Variants in CCDC88C observed in about 807,000 individuals in gnomAD.
The protein encoded by CCDC88C is protein Daple.
In CCDC88C, 131 loss-of-function variants were observed where a neutral mutation model predicts 198.8. The observed-to-expected ratio is 0.66, with a 90% CI of 0.57 to 0.76. CCDC88C has a LOEUF of 0.76. Among genes scored for constraint, CCDC88C ranks in the 30% least tolerant of loss-of-function variants. The probability of loss-of-function intolerance (pLI) is 0.00; values close to 1 mark genes in which losing one functional copy is unlikely to be tolerated. For missense variants in CCDC88C, 2,553 were observed against 2,631.6 expected (o/e 0.97, Z 0.65); for synonymous variants, 1,166 against 1,114.7 (o/e 1.05, Z -0.92).
chr14:91,325,227 T>TG lies in CCDC88C; in HGVS notation c.1198-305dup, dbSNP rs1417343169. Reference sequence around the variant, plus strand: ...GGGCTTTAAAGCAAGTGTGCAGTGATGGGCAGCTCTGTGGCTCTAGCGAAG... The same window carrying TG: ...GGGCTTTAAAGCAAGTGTGCAGTGATGGGGCAGCTCTGTGGCTCTAGCGAAG... On this transcript the variant is annotated intron_variant, in intron 11 of 29. Coordinates refer to ENST00000389857, the MANE Select transcript of CCDC88C (RefSeq NM_001080414.4). This position sits in a 1 kb window ranked among gnomAD's most constrained non-coding sequence, Gnocchi z 4.1. Among the ~76,000 whole-genome samples, 1 of 152,208 alleles carries TG rather than the reference T, an allele frequency of 6.6e-6. No homozygotes were observed. Among genetic ancestry groups the TG allele is most frequent in the Non-Finnish European group, 1.5e-5 (1 of 68,034 alleles).
intron 29 of CCDC88C, among the ~76,000 whole-genome samples, chr14:91,275,212 T>C (rs997294923): frequency 1.5e-4 from 23 of 152,104 alleles, no homozygotes; most frequent in African/African-American, 5.1e-4. Context: ...CAACAGAAGC[T>C]GCTACAGCCA....
chr14:91,332,923 C>T (rs1052645029), intron 10 of CCDC88C, among the ~76,000 whole-genome samples: 2 of 152,256 alleles, frequency 1.3e-5, no homozygotes, highest in Non-Finnish European at 2.9e-5. Flanking sequence ...TCTGGCCACA[C>T]TCCACCCACA....
intron 3 of CCDC88C, among the ~76,000 whole-genome samples, chr14:91,396,553 C>T (rs768261406): frequency 6.6e-6 from 1 of 152,126 alleles, no homozygotes; most frequent in Non-Finnish European, 1.5e-5. Flanking sequence ...AGAATGAGCC[C>T]GACAAGCACC....
intron 3 of CCDC88C, among the ~76,000 whole-genome samples, chr14:91,363,157 T>G (rs1489020074): frequency 6.6e-6 from 1 of 152,150 alleles, no homozygotes; most frequent in Non-Finnish European, 1.5e-5. Context: ...AATTTCAAAT[T>G]TTCTATTAGC....
chr14:91,335,599 G>A (rs1448130448), intron 10 of CCDC88C, among the ~76,000 whole-genome samples: 1 of 152,166 alleles, frequency 6.6e-6, no homozygotes, highest in African/African-American at 2.4e-5. Flanking sequence ...TGATGGTGTT[G>A]CATCCTAACC....
At chr14:91,309,756 G>T in intron 16 of CCDC88C, 103 bp downstream of exon 16, 1 of 1,273,382 alleles carries the variant, frequency 7.9e-7, no homozygotes, top group Non-Finnish European at 1.1e-6. Context: ...ACAGCCCTCG[G>T]CAGTAGAGAG....
In CCDC88C at chr14:91,338,244, G is replaced by T; in HGVS notation, c.892-81C>A. The T allele has an allele frequency of 6.5e-7, 1 of 1,531,326 alleles. No homozygotes were observed. The highest frequency in any genetic ancestry group is 8.9e-7 in the Non-Finnish European group (1 of 1,124,146). 94.9% of individuals were successfully genotyped at this position (1,531,326 alleles called of 1,614,324 possible). ...AGAAAGGCCATTGCCCTTCTGCATG[G>T]TGTCTCCACGACGGCCCAGGACAAG... is the stretch of plus-strand genomic sequence containing the variant. On this transcript the variant is annotated intron_variant, in intron 9 of 29. Coordinates refer to ENST00000389857, the MANE Select transcript of CCDC88C (RefSeq NM_001080414.4). This position sits in a 1 kb window ranked among gnomAD's most constrained non-coding sequence, Gnocchi z 4.8.
chr14:91,362,104 C>A (rs1375105651), intron 3 of CCDC88C, among the ~76,000 whole-genome samples: 1 of 152,078 alleles, frequency 6.6e-6, no homozygotes, highest in Non-Finnish European at 1.5e-5. Flanking sequence ...CCTGGTGACG[C>A]ATGCCTGTAA....
rs778110005 is a variant in CCDC88C, at chr14:91,352,366, AGG to A, written c.340+7274_340+7275del. Among the ~76,000 whole-genome samples the A allele has an allele frequency of 4.6e-5, 7 of 152,172 alleles. No individual in the cohort carries two copies. The highest frequency in any genetic ancestry group is 1.0e-4 in the Non-Finnish European group (7 of 68,020). On this transcript the variant is annotated intron_variant, in intron 4 of 29. Coordinates refer to ENST00000389857, the MANE Select transcript of CCDC88C (RefSeq NM_001080414.4). This position sits in a 1 kb window ranked among gnomAD's most constrained non-coding sequence, Gnocchi z 4.2. ...TGTCAGCCAAACTCTGCACCTTCCT[AGG>A]AAAGGAAAGCCTCGGCTCCTGGCTT... is the stretch of plus-strand genomic sequence containing the variant.
rs373123040 is a variant in CCDC88C, at chr14:91,353,684, T to C, written c.340+5958A>G. ...GAGAAGGAAGGTCGGTCACAGCATT[T>C]TGTGCGCACAGAACCTTGTCTCTTC... On this transcript the variant is annotated intron_variant, in intron 4 of 29. Coordinates refer to ENST00000389857, the MANE Select transcript of CCDC88C (RefSeq NM_001080414.4). Among the ~76,000 whole-genome samples, 4 of 152,264 alleles carry C rather than the reference T, an allele frequency of 2.6e-5. No individual in the cohort carries two copies. In the East Asian group the frequency reaches 7.7e-4, roughly 29 times the overall value.
At chr14:91,403,436 C>CAGGGCAGGGAATGGGGATGGG (rs1160610354) in intron 3 of CCDC88C, among the ~76,000 whole-genome samples, 2 of 152,210 alleles carry the variant, frequency 1.3e-5, no homozygotes, top group Admixed American at 1.3e-4. Context: ...TGAAGGTGTC[C>CAGGGCAGGGAATGGGGATGGG]AGGGCAGGGA....
At chr14:91,301,121 C>T (rs762803548) in intron 20 of CCDC88C, among the ~76,000 whole-genome samples, 80 of 152,166 alleles carry the variant, frequency 5.3e-4, no homozygotes, top group Non-Finnish European at 1.1e-3. Flanking sequence ...TCTTACTCAC[C>T]ACTGAATCCC....
intron 2 of CCDC88C, among the ~76,000 whole-genome samples, chr14:91,412,530 G>A (rs1423464509): frequency 4.6e-5 from 7 of 151,908 alleles, no homozygotes; most frequent in Non-Finnish European, 2.9e-5. Flanking sequence ...TGCCTCCCGG[G>A]TTCATGCCAT....
At chr14:91,390,869 G>A (rs1885468518) in intron 3 of CCDC88C, among the ~76,000 whole-genome samples, 1 of 152,220 alleles carries the variant, frequency 6.6e-6, no homozygotes, top group South Asian at 2.1e-4. Context: ...CAGAAAGGAA[G>A]AACATGGATT....
At chr14:91,286,721 T>G (rs1386381009) in intron 25 of CCDC88C, among the ~76,000 whole-genome samples, 1 of 152,236 alleles carries the variant, frequency 6.6e-6, no homozygotes, top group Non-Finnish European at 1.5e-5. Flanking sequence ...TAGGCTCTTG[T>G]TCGGCATCTT....
Position 91,307,106 on chromosome 14 carries a change from G to A in CCDC88C, c.3127C>T (p.Pro1043Ser). Residue 1043 changes from proline (P) to serine (S), a missense_variant, in exon 18 of 30, where the codon CCC becomes TCC. By Grantham distance (74) the Pro-to-Ser change is moderately conservative (BLOSUM62 -1). Coordinates refer to ENST00000389857, the MANE Select transcript of CCDC88C (RefSeq NM_001080414.4). ...TCCATGGTGGCTTCCTTATGGCCGG[G>A]CCCCCAGGCCTCCTTCCCCTGGTGA... ...ASHQGKEAWGPGHKEATMELL... is the reference protein window; with the variant it reads ...ASHQGKEAWGSGHKEATMELL... 1.2e-6 allele frequency: 2 copies of A among 1,613,928 alleles called. No homozygotes were observed. The highest frequency in any genetic ancestry group is 1.3e-5 in the African/African-American group (1 of 75,052).
At chr14:91,331,170 C>G (rs1204212481) in intron 10 of CCDC88C, among the ~76,000 whole-genome samples, 1 of 152,082 alleles carries the variant, frequency 6.6e-6, no homozygotes, top group Admixed American at 6.5e-5. Flanking sequence ...AATGGGCCCA[C>G]AGCTGACACT....
At position 91,300,012 on chromosome 14, in the gene CCDC88C, T is replaced by C. The variant is rs770831809; in HGVS notation, c.3694A>G (p.Thr1232Ala). The C allele has an allele frequency of 1.4e-5, 22 of 1,603,614 alleles. No homozygotes were observed. The highest frequency in any genetic ancestry group is 3.3e-4 in the Middle Eastern group (2 of 6,076). The change falls in exon 21 of 30, where the codon ACT becomes GCT. Residue 1232 changes from threonine to alanine, a missense_variant. Transcript: ENST00000389857. Reference sequence around the variant, plus strand: ...TCCTGCTGCAGCGCCTCTCGCTCAGTGGTCAAGACCTTCTCCCGCTCCTCC... The same window carrying C: ...TCCTGCTGCAGCGCCTCTCGCTCAGCGGTCAAGACCTTCTCCCGCTCCTCC... ...ELEEREKVLT[T>A]EREALQQEQR... is the part of the protein sequence containing the mutation.
At chr14:91,382,810 C>T (rs1305509379) in intron 3 of CCDC88C, among the ~76,000 whole-genome samples, 1 of 152,196 alleles carries the variant, frequency 6.6e-6, no homozygotes, top group Non-Finnish European at 1.5e-5. Context: ...AAATTCTCTG[C>T]TTTATCTCCT....
Sources: allele counts gnomAD v4.1 joint callset (sites outside exome capture counted in the v4.1 genomes callset), GRCh38; gene constraint gnomAD v4.1.1; non-coding constraint Gnocchi (gnomAD v3.1); transcripts MANE v1.5; gene names NCBI Gene and HGNC (gene_info 2026-07-23, HGNC 2026-07-21).